The following EYS variants were observed in gnomAD, a reference collection of about 807,000 sequenced individuals.
EYS encodes EGF-like photoreceptor maintenance factor.
EYS carries 250 observed loss-of-function variants against 282.1 expected under a neutral mutation model. The observed-to-expected ratio is 0.89, with a 90% confidence interval of 0.80 to 0.98. EYS has a LOEUF of 0.98. Among genes scored for constraint, EYS ranks in the 50% least tolerant of loss-of-function variants. The probability of loss-of-function intolerance (pLI) is 0.00; values close to 1 mark genes in which losing one functional copy is unlikely to be tolerated. For synonymous variants in EYS, 1,355 were observed against 1,282.9 expected, an observed-to-expected ratio of 1.06 and a Z score of -1.20; for missense variants, 4,016 against 3,709.0, an observed-to-expected ratio of 1.08 and a Z score of -2.15.
At chr6:65,214,481 G>T (rs866045199) in intron 12 of EYS, among the ~76,000 whole-genome samples, 8 of 152,154 alleles carry the variant, frequency 5.3e-5, no homozygotes, top group Non-Finnish European at 8.8e-5. Context: ...CAGAAGAAAA[G>T]TTCGAAGGTA....
chr6:64,289,100 C>T (rs1768607334), intron 30 of EYS, among the ~76,000 whole-genome samples: 1 of 152,026 alleles, frequency 6.6e-6, no homozygotes, highest in Non-Finnish European at 1.5e-5. Flanking sequence ...CCCATCACGC[C>T]TTCATTATCT....
intron 35 of EYS, among the ~76,000 whole-genome samples, chr6:63,975,746 A>G (rs989739653): frequency 2.6e-5 from 4 of 151,976 alleles, no homozygotes; most frequent in African/African-American, 4.8e-5. Flanking sequence ...TTCTTTTAAT[A>G]TCATACCAGA....
chr6:64,190,358 C>G (rs1369757543), intron 31 of EYS, among the ~76,000 whole-genome samples: 1 of 152,144 alleles, frequency 6.6e-6, no homozygotes, highest in Admixed American at 6.5e-5. Context: ...TACTGTCTAA[C>G]AGAAGTCACC....
intron 42 of EYS, among the ~76,000 whole-genome samples, chr6:63,724,302 A>C (rs1484139794): frequency 6.6e-6 from 1 of 152,218 alleles, no homozygotes; most frequent in Non-Finnish European, 1.5e-5. Flanking sequence ...ATTATAGATA[A>C]GAGAAACCTT....
At chr6:64,133,563 CA>C (rs1368423390) in intron 31 of EYS, among the ~76,000 whole-genome samples, 1 of 151,534 alleles carries the variant, frequency 6.6e-6, no homozygotes, top group East Asian at 1.9e-4. Flanking sequence ...GTGCTCATTG[CA>C]AATACAGAGA....
intron 41 of EYS, chr6:63,744,764 C>A (rs1392374379): frequency 5.4e-6 from 1 of 185,450 alleles, no homozygotes. Context: ...GACGGGGTTT[C>A]CCCATGTTGG....
At chr6:64,176,680 C>G (rs1024082228) in intron 31 of EYS, among the ~76,000 whole-genome samples, 2 of 151,980 alleles carry the variant, frequency 1.3e-5, no homozygotes, top group Non-Finnish European at 2.9e-5. Context: ...AATTCTCTAG[C>G]TGAGGATGTC....
chr6:64,845,166 C>A (rs987848913), intron 19 of EYS, among the ~76,000 whole-genome samples: 6 of 151,940 alleles, frequency 3.9e-5, no homozygotes, highest in South Asian at 2.1e-4. Flanking sequence ...TGGTATGCAC[C>A]TGTGGTTCCA....
At chr6:64,491,095 G>A (rs1776726625) in intron 26 of EYS, among the ~76,000 whole-genome samples, 1 of 150,866 alleles carries the variant, frequency 6.6e-6, no homozygotes, top group African/African-American at 2.4e-5. Flanking sequence ...AAAGGATGGG[G>A]TGGATAATAA....
intron 41 of EYS, among the ~76,000 whole-genome samples, chr6:63,731,832 C>G (rs1292230627): frequency 6.6e-6 from 1 of 152,116 alleles, no homozygotes; most frequent in African/African-American, 2.4e-5. Context: ...TATTTTCCCT[C>G]TCCCTCTTGA....
At chr6:64,071,993 G>A (rs1212092428) in intron 32 of EYS, among the ~76,000 whole-genome samples, 1 of 151,664 alleles carries the variant, frequency 6.6e-6, no homozygotes, top group Non-Finnish European at 1.5e-5. Context: ...GAGCCGGGGG[G>A]ACATAAAAAA....
chr6:64,688,557 G>A (rs150652494), intron 22 of EYS, among the ~76,000 whole-genome samples: 4,336 of 152,190 alleles, frequency 0.028, 130 homozygotes, highest in East Asian at 0.14. Flanking sequence ...TTAATCCTGA[G>A]TTCTAGTTTG....
At chr6:64,420,637 C>T (rs190652653) in intron 28 of EYS, among the ~76,000 whole-genome samples, 1 of 152,138 alleles carries the variant, frequency 6.6e-6, no homozygotes, top group African/African-American at 2.4e-5. Context: ...AGTTTTCAAA[C>T]TTTTATGCCC....
At chr6:65,166,806 A>G (rs559070320) in intron 12 of EYS, among the ~76,000 whole-genome samples, 1 of 151,348 alleles carries the variant, frequency 6.6e-6, no homozygotes, top group Non-Finnish European at 1.5e-5. Context: ...AGGAACCACT[A>G]ATTCAGTATA....
chr6:64,660,260 A>G (rs2149886818), intron 22 of EYS, among the ~76,000 whole-genome samples: 1 of 152,292 alleles, frequency 6.6e-6, no homozygotes, highest in South Asian at 2.1e-4. Context: ...GCTATCTATG[A>G]CAAACCCACA....
chr6:64,545,887 G>T (rs928079164), intron 26 of EYS, among the ~76,000 whole-genome samples: 2 of 152,092 alleles, frequency 1.3e-5, no homozygotes, highest in African/African-American at 4.8e-5. Context: ...CAAACAAATG[G>T]AAGAACATTC....
In EYS at chr6:63,721,676, T is replaced by A. The variant is rs1384547727; in HGVS notation, c.8355A>T (p.Ile2785=). The part of the protein sequence containing the change: ...KVTINGSTWH[I]IKAGRVGAEG... ...CTGCACCAACTCTTCCTGCTTTTAT[T>A]ATATGCCAAGTACTTCCGTTTATAG... is the stretch of plus-strand genomic sequence containing the variant. The change falls in exon 43 of 43, where the codon ATA becomes ATT. Residue 2785 remains isoleucine, a synonymous_variant. Coordinates refer to ENST00000503581, the MANE Select transcript of EYS (RefSeq NM_001142800.2). 11 of 1,551,414 alleles carry A rather than the reference T, an allele frequency of 7.1e-6. No homozygotes were observed. In the East Asian group the frequency reaches 2.0e-4, roughly 28 times the overall value.
At chr6:63,767,854 A>G (rs776242809) in intron 40 of EYS, among the ~76,000 whole-genome samples, 31 of 152,294 alleles carry the variant, frequency 2.0e-4, no homozygotes, top group Non-Finnish European at 4.6e-4. Context: ...CCAAAATAGC[A>G]TGGCACTGGT....
intron 29 of EYS, among the ~76,000 whole-genome samples, chr6:64,351,163 A>G (rs1194007929): frequency 6.6e-6 from 1 of 151,520 alleles, no homozygotes; most frequent in Admixed American, 6.6e-5. Context: ...TTTCCACACA[A>G]TAATAAATTG....
Sources: gnomAD v4.1 joint callset for allele counts (sites outside exome capture counted in the v4.1 genomes callset) on GRCh38, gnomAD v4.1.1 for gene constraint, MANE v1.5 for transcripts, NCBI Gene and HGNC (gene_info 2026-07-23, HGNC 2026-07-21) for gene names.